The following NCOA1 variants were observed in gnomAD, a reference collection of about 807,000 sequenced individuals.
NCOA1 encodes the protein nuclear receptor coactivator 1.
In NCOA1, 35 loss-of-function variants were observed where a neutral mutation model predicts 150.9. The ratio of observed to expected loss-of-function variants is 0.23; its 90% CI spans 0.18 to 0.31. The LOEUF is 0.31. Among genes scored for constraint, NCOA1 ranks in the 10% least tolerant of loss-of-function variants. The pLI, the probability that NCOA1 is intolerant of heterozygous loss-of-function variation, is 1.00. For missense variants in NCOA1, 1,491 were observed against 1,749.3 expected (o/e 0.85, Z 2.63); for synonymous variants, 590 against 630.0 (o/e 0.94, Z 0.95).
chr2:24,581,720 A>T lies in NCOA1; in HGVS notation c.-259-2756A>T, dbSNP rs139520764. On this transcript the variant is annotated intron_variant, in intron 2 of 22. Coordinates refer to ENST00000348332, the MANE Select transcript of NCOA1 (RefSeq NM_003743.5). ...ACACAGATGCAAAAATCCTCAATGA[A>T]ATACTAGCAAACTGAATCCAACAGC... Among the ~76,000 whole-genome samples the T allele has an allele frequency of 3.9e-3, 598 of 152,280 alleles. 1 individual carries two copies. The highest frequency in any genetic ancestry group is 7.6e-3 in the Admixed American group (116 of 15,300).
chr2:24,624,993 A>C (rs1015206581), intron 3 of NCOA1, among the ~76,000 whole-genome samples: 9 of 152,236 alleles, frequency 5.9e-5, no homozygotes, highest in Non-Finnish European at 1.3e-4. Flanking sequence ...CATAGACAGT[A>C]AGTCATAAAC....
intron 11 of NCOA1, 26 bp from the exon 12 acceptor site, chr2:24,705,060 C>T: frequency 2.5e-6 from 4 of 1,600,372 alleles, no homozygotes; most frequent in Non-Finnish European, 3.4e-6. Flanking sequence ...AGAATTTTAA[C>T]TAGGTTTCTC....
At chr2:24,740,700 A>G (rs1320929313) in intron 18 of NCOA1, among the ~76,000 whole-genome samples, 1 of 152,222 alleles carries the variant, frequency 6.6e-6, no homozygotes, top group Non-Finnish European at 1.5e-5. Context: ...TCTGTCTTAC[A>G]AATTATAAAT....
At chr2:24,499,849 G>A (rs909900193) in intron 1 of NCOA1, among the ~76,000 whole-genome samples, 2 of 152,206 alleles carry the variant, frequency 1.3e-5, no homozygotes, top group Non-Finnish European at 1.5e-5. Context: ...AACGTTACTC[G>A]TTACACGGAG....
chr2:24,635,704 G>A (rs1669910382), intron 3 of NCOA1, among the ~76,000 whole-genome samples: 1 of 152,068 alleles, frequency 6.6e-6, no homozygotes, highest in African/African-American at 2.4e-5. Flanking sequence ...CCTACGAAAT[G>A]TTTTAGGGCA....
chr2:24,707,131 T>C lies in NCOA1; in HGVS notation c.1661T>C (p.Phe554Ser), dbSNP rs1673486869. 6.2e-7 allele frequency: 1 copy of C among 1,614,118 alleles called. No individual in the cohort carries two copies. ...MNEGPNNSVG[F>S]SASSPVLRQM... ...GAAGGACCCAATAACTCCGTTGGCTTCTCTGCCAGTTCTCCAGTCCTCAGG... is the reference window on the plus strand; with the variant it reads ...GAAGGACCCAATAACTCCGTTGGCTCCTCTGCCAGTTCTCCAGTCCTCAGG... Residue 554 changes from phenylalanine (F) to serine (S), a missense_variant, in exon 13 of 23, where the codon TTC becomes TCC. Physicochemically the swap from Phe to Ser is radical, Grantham distance 155. Around this residue, in one of 8 missense-constraint regions of NCOA1, gnomAD observed 703 missense variants for 717.7 expected, o/e 0.98. Coordinates refer to ENST00000348332, the MANE Select transcript of NCOA1 (RefSeq NM_003743.5).
intron 20 of NCOA1, among the ~76,000 whole-genome samples, chr2:24,754,391 C>T (rs143223168): frequency 3.9e-5 from 6 of 152,268 alleles, no homozygotes; most frequent in East Asian, 1.9e-4. Flanking sequence ...TTATTCTCAC[C>T]GCTCACTCTG....
chr2:24,548,950 G>C (rs906737937), intron 1 of NCOA1, among the ~76,000 whole-genome samples: 3 of 152,174 alleles, frequency 2.0e-5, no homozygotes, highest in Non-Finnish European at 2.9e-5. Context: ...CCATTCTGCG[G>C]TCTGGAGGAT....
intron 3 of NCOA1, among the ~76,000 whole-genome samples, chr2:24,623,437 T>C (rs1304156372): frequency 6.6e-6 from 1 of 152,232 alleles, no homozygotes; most frequent in Non-Finnish European, 1.5e-5. Context: ...TTGGATATCA[T>C]CTAATTTTCT....
intron 11 of NCOA1, among the ~76,000 whole-genome samples, chr2:24,704,126 T>C (rs192215034): frequency 6.8e-4 from 104 of 152,314 alleles, no homozygotes; most frequent in African/African-American, 2.4e-3. Flanking sequence ...CTTATACTAA[T>C]AACCATTGGC....
At chr2:24,648,060 C>T (rs1187729094) in intron 4 of NCOA1, among the ~76,000 whole-genome samples, 1 of 152,082 alleles carries the variant, frequency 6.6e-6, no homozygotes, top group Non-Finnish European at 1.5e-5. Flanking sequence ...AGGAATATAG[C>T]TAGCCACATT....
intron 6 of NCOA1, 31 bp from the exon 7 acceptor site, chr2:24,673,333 GAT>G (rs758049211): frequency 1.4e-6 from 2 of 1,401,676 alleles, no homozygotes; most frequent in Non-Finnish European, 1.9e-6. Flanking sequence ...GCTCTTTTCA[GAT>G]ATGTGATTTT....
chr2:24,627,674 C>T (rs1281420380), intron 3 of NCOA1, among the ~76,000 whole-genome samples: 1 of 152,246 alleles, frequency 6.6e-6, no homozygotes, highest in East Asian at 1.9e-4. Context: ...GAGTATCCTG[C>T]CATAATGTTT....
At chr2:24,496,983 T>G (rs1317994455) in intron 1 of NCOA1, among the ~76,000 whole-genome samples, 2 of 152,222 alleles carry the variant, frequency 1.3e-5, no homozygotes, top group Non-Finnish European at 2.9e-5. Flanking sequence ...AAAGTACCTG[T>G]AGAAAAACGT....
At chr2:24,620,835 A>G (rs1356433411) in intron 3 of NCOA1, among the ~76,000 whole-genome samples, 1 of 152,172 alleles carries the variant, frequency 6.6e-6, no homozygotes, top group African/African-American at 2.4e-5. Flanking sequence ...CTTATATATA[A>G]AGAATGTAAT....
intron 4 of NCOA1, 87 bp downstream of exon 4, chr2:24,644,209 T>C (rs553361674): frequency 6.6e-6 from 1 of 152,344 alleles, no homozygotes; most frequent in Middle Eastern, 3.4e-3. Context: ...TTATCTTTTA[T>C]GGAAATATGT....
intron 3 of NCOA1, among the ~76,000 whole-genome samples, chr2:24,632,514 A>G (rs1271428201): frequency 6.6e-6 from 1 of 152,192 alleles, no homozygotes; most frequent in Non-Finnish European, 1.5e-5. Context: ...TGGCTAGTGG[A>G]CACCAGTCAC....
chr2:24,666,899 A>G (rs563791943), intron 6 of NCOA1, among the ~76,000 whole-genome samples: 1 of 152,246 alleles, frequency 6.6e-6, no homozygotes, highest in East Asian at 1.9e-4. Context: ...GGAACCCCAT[A>G]CCATCAAACT....
chr2:24,747,486 T>C (rs536944600), intron 19 of NCOA1, among the ~76,000 whole-genome samples: 59 of 151,900 alleles, frequency 3.9e-4, no homozygotes, highest in African/African-American at 1.3e-3. Flanking sequence ...TGTACCACTG[T>C]GCCCGGCTAA....
Sources: gnomAD v4.1 joint callset for allele counts (sites outside exome capture counted in the v4.1 genomes callset) on GRCh38, gnomAD v4.1.1 for gene constraint, gnomAD v4.1.1 regional missense constraint, MANE v1.5 for transcripts, NCBI Gene and HGNC (gene_info 2026-07-23, HGNC 2026-07-21) for gene names.